ESRRG: variants seen among roughly 807,000 people sequenced by gnomAD.
ESRRG encodes estrogen related receptor gamma.
In ESRRG, 13 loss-of-function variants were observed where a neutral mutation model predicts 44.0. The ratio of observed to expected loss-of-function variants is 0.30; its 90% confidence interval spans 0.19 to 0.47. The LOEUF (loss-of-function observed/expected upper bound fraction) is 0.47. ESRRG is among the 20% of genes least tolerant of loss of function. The pLI is 1.00. For missense variants in ESRRG, 395 were observed against 580.6 expected (o/e 0.68, Z 3.29); for synonymous variants, 215 against 214.6 (o/e 1.00, Z -0.02).
chr1:216,823,966 C>T (rs1179117879), intron 2 of ESRRG, among the ~76,000 whole-genome samples: 1 of 152,148 alleles, frequency 6.6e-6, no homozygotes, highest in Non-Finnish European at 1.5e-5. Flanking sequence ...CTGAGCTCTA[C>T]AGTACTTGAG....
intron 1 of ESRRG, among the ~76,000 whole-genome samples, chr1:216,707,111 G>A (rs1349768479): frequency 1.3e-5 from 2 of 152,180 alleles, no homozygotes; most frequent in Non-Finnish European, 1.5e-5. Context: ...TGATTGGAAT[G>A]AGTTTACTAA....
At chr1:217,086,115 G>A (rs1310379285) in intron 1 of ESRRG, among the ~76,000 whole-genome samples, 1 of 152,016 alleles carries the variant, frequency 6.6e-6, no homozygotes, top group Admixed American at 6.6e-5. Context: ...ACTTCAAAAC[G>A]ACAGACTCTA....
At chr1:217,114,162 T>C (rs866454788) in intron 1 of ESRRG, among the ~76,000 whole-genome samples, 6 of 152,032 alleles carry the variant, frequency 3.9e-5, no homozygotes, top group South Asian at 2.1e-4. Context: ...ATATGAAACT[T>C]TAAATAAGTA....
chr1:216,636,844 T>A (rs770485629), intron 3 of ESRRG, among the ~76,000 whole-genome samples: 2 of 152,238 alleles, frequency 1.3e-5, no homozygotes, highest in African/African-American at 2.4e-5. Context: ...CTGGAGCACA[T>A]AACCAAATAG....
chr1:216,561,892 G>A (rs1558504809), intron 5 of ESRRG, among the ~76,000 whole-genome samples: 1 of 152,154 alleles, frequency 6.6e-6, no homozygotes, highest in East Asian at 1.9e-4. Flanking sequence ...CCAATTCTAA[G>A]CCTCAGCTTA....
intron 2 of ESRRG, among the ~76,000 whole-genome samples, chr1:216,799,856 T>C (rs924004723): frequency 5.3e-5 from 8 of 152,256 alleles, no homozygotes; most frequent in Non-Finnish European, 1.0e-4. Context: ...GAATGATAGA[T>C]GCACATGTCT....
At chr1:216,545,575 A>G (rs934701555) in intron 5 of ESRRG, among the ~76,000 whole-genome samples, 1 of 152,232 alleles carries the variant, frequency 6.6e-6, no homozygotes, top group Admixed American at 6.6e-5. Context: ...TAGAACATTT[A>G]TCACTTGTTT....
intron 1 of ESRRG, among the ~76,000 whole-genome samples, chr1:216,689,180 T>C (rs1446335083): frequency 6.6e-6 from 1 of 152,150 alleles, no homozygotes; most frequent in African/African-American, 2.4e-5. Flanking sequence ...TTTTATTGCT[T>C]TCCAAGTCTG....
intron 1 of ESRRG, among the ~76,000 whole-genome samples, chr1:216,970,180 T>G (rs1222225324): frequency 6.6e-6 from 1 of 152,186 alleles, no homozygotes; most frequent in Non-Finnish European, 1.5e-5. Flanking sequence ...GAAACATTAC[T>G]GAAGCCACCA....
At chr1:217,075,839 T>C (rs1285704013) in intron 1 of ESRRG, among the ~76,000 whole-genome samples, 1 of 152,184 alleles carries the variant, frequency 6.6e-6, no homozygotes. Context: ...CCAGATAAAA[T>C]CTGGAGTGTA....
At chr1:216,805,234 G>A (rs1340636196) in intron 2 of ESRRG, 2 of 152,148 alleles carry the variant, frequency 1.3e-5, no homozygotes, top group Non-Finnish European at 2.9e-5. Flanking sequence ...TGCAACTGCA[G>A]AATCAAATAT....
At chr1:217,093,415 G>A (rs1295915467), upstream of ESRRG, among the ~76,000 whole-genome samples, 1 of 151,944 alleles carries the variant, frequency 6.6e-6, no homozygotes, top group Non-Finnish European at 1.5e-5. Flanking sequence ...CTCAGGTAAA[G>A]TTAGACAAGT....
chr1:216,695,562 C>T (rs920672580), intron 1 of ESRRG, among the ~76,000 whole-genome samples: 8 of 152,146 alleles, frequency 5.3e-5, no homozygotes, highest in African/African-American at 1.9e-4. Context: ...GACTTTGTAT[C>T]CCCAGTACTT....
chr1:216,531,958 A>T (rs1051233222), intron 5 of ESRRG, among the ~76,000 whole-genome samples: 6 of 152,046 alleles, frequency 3.9e-5, no homozygotes, highest in African/African-American at 1.4e-4. Flanking sequence ...GAAATCCTAG[A>T]AGTTTTTATA....
intron 2 of ESRRG, among the ~76,000 whole-genome samples, chr1:216,882,934 GAA>G (rs139900331): frequency 2.1e-5 from 3 of 142,126 alleles, no homozygotes; most frequent in African/African-American, 2.6e-5. Flanking sequence ...ATCATTGTCT[GAA>G]AAAAAAAAAA....
At chr1:217,081,221 C>CTTTTTTTTTTTTTTTTTTTTTT (rs143325476) in intron 1 of ESRRG, among the ~76,000 whole-genome samples, 1 of 70,410 alleles carries the variant, frequency 1.4e-5, no homozygotes, top group Non-Finnish European at 2.4e-5. Context: ...TAAAAATATT[C>CTTTTTTTTTTTTTTTTTTTTTT]TTTTTTTTTT....
At chr1:216,842,644 T>C (rs2095670095) in intron 2 of ESRRG, among the ~76,000 whole-genome samples, 1 of 152,182 alleles carries the variant, frequency 6.6e-6, no homozygotes, top group South Asian at 2.1e-4. Context: ...AATTAAGTGG[T>C]ATGTGACATG....
At chr1:216,931,588 C>A (rs2063344936) in intron 2 of ESRRG, among the ~76,000 whole-genome samples, 1 of 152,018 alleles carries the variant, frequency 6.6e-6, no homozygotes, top group African/African-American at 2.4e-5. Context: ...CCCCGCCTCC[C>A]AACTGGCCCA....
chr1:216,666,767 A>G (rs1355677524), intron 2 of ESRRG, among the ~76,000 whole-genome samples: 3 of 152,218 alleles, frequency 2.0e-5, no homozygotes, highest in African/African-American at 7.2e-5. Flanking sequence ...ACCTTGCAAA[A>G]GGCAGAAAAG....
Sources: allele counts gnomAD v4.1 joint callset (sites outside exome capture counted in the v4.1 genomes callset), GRCh38; gene constraint gnomAD v4.1.1; transcripts MANE v1.5; gene names NCBI Gene and HGNC (gene_info 2026-07-23, HGNC 2026-07-21).